COL19A1: variants seen among roughly 807,000 people sequenced by gnomAD.
COL19A1 encodes collagen alpha-1(XIX) chain.
In COL19A1, 159 loss-of-function variants were observed where a neutral mutation model predicts 190.2. That is an observed-to-expected ratio of 0.84 (90% confidence interval 0.73 to 0.95). COL19A1 has a LOEUF of 0.95. Ranked by LOEUF, COL19A1 falls within the 40% of genes least tolerant of loss-of-function variation. COL19A1 has a pLI of 0.00. For synonymous variants in COL19A1, 509 were observed against 458.9 expected, an observed-to-expected ratio of 1.11 and a Z score of -1.39; for missense variants, 1,418 against 1,431.9, an observed-to-expected ratio of 0.99 and a Z score of 0.16.
At chr6:70,051,018 T>C (rs1340099182) in intron 14 of COL19A1, among the ~76,000 whole-genome samples, 3 of 152,102 alleles carry the variant, frequency 2.0e-5, no homozygotes, top group African/African-American at 7.2e-5. Context: ...GCATATCACT[T>C]AGTAATATGT....
intron 41 of COL19A1, among the ~76,000 whole-genome samples, chr6:70,175,886 T>C (rs111934859): frequency 2.0e-5 from 3 of 152,294 alleles, no homozygotes; most frequent in African/African-American, 7.2e-5. Flanking sequence ...TGAGTAAAGT[T>C]TTTTAAATTC....
At chr6:69,957,966 C>T (rs1044207786) in intron 9 of COL19A1, among the ~76,000 whole-genome samples, 5 of 152,096 alleles carry the variant, frequency 3.3e-5, no homozygotes, top group Non-Finnish European at 5.9e-5. Flanking sequence ...TTATAAAACA[C>T]ATTCAGTCAA....
chr6:70,050,802 C>T (rs914225946), intron 14 of COL19A1, among the ~76,000 whole-genome samples: 6 of 152,150 alleles, frequency 3.9e-5, no homozygotes, highest in South Asian at 2.1e-4. Context: ...TTGAAAGTCA[C>T]GCTTTTTGTG....
intron 11 of COL19A1, among the ~76,000 whole-genome samples, chr6:70,005,810 G>C (rs776725639): frequency 6.6e-6 from 1 of 152,000 alleles, no homozygotes; most frequent in Non-Finnish European, 1.5e-5. Flanking sequence ...CCCTGCCCAG[G>C]GGCTCATGCC....
At chr6:70,064,874 A>G (rs1395926531) in intron 14 of COL19A1, among the ~76,000 whole-genome samples, 3 of 152,204 alleles carry the variant, frequency 2.0e-5, no homozygotes, top group Admixed American at 6.5e-5. Context: ...CAAACAGAAT[A>G]AAATACCTAG....
chr6:69,932,948 A>G, intron 7 of COL19A1, 85 bp downstream of exon 7: 4 of 853,304 alleles, frequency 4.7e-6, no homozygotes, highest in South Asian at 3.4e-5. Context: ...AATGTAGGGT[A>G]GCACTGAGTG....
chr6:70,098,782 G>T, intron 15 of COL19A1: 1 of 199,982 alleles, frequency 5.0e-6, no homozygotes. Context: ...TCCTTCAGAG[G>T]AACAGGAGAC....
chr6:69,994,956 C>G (rs929971769), intron 11 of COL19A1, among the ~76,000 whole-genome samples: 1 of 152,146 alleles, frequency 6.6e-6, no homozygotes, highest in African/African-American at 2.4e-5. Context: ...CAAAGAGGCA[C>G]CTTCTAGTTT....
At chr6:70,079,412 A>G (rs1015164652) in intron 15 of COL19A1, among the ~76,000 whole-genome samples, 2 of 152,342 alleles carry the variant, frequency 1.3e-5, no homozygotes, top group Non-Finnish European at 2.9e-5. Flanking sequence ...TTTAAGGGTG[A>G]TAACTAAAGC....
intron 40 of COL19A1, among the ~76,000 whole-genome samples, chr6:70,170,977 CATTAATTT>C (rs1048114541): frequency 6.6e-6 from 1 of 152,104 alleles, no homozygotes; most frequent in Non-Finnish European, 1.5e-5. Context: ...TTGCAGTGAA[CATTAATTT>C]ATTAACAAGA....
chr6:70,083,217 A>G (rs1283730094), intron 15 of COL19A1, among the ~76,000 whole-genome samples: 2 of 152,220 alleles, frequency 1.3e-5, no homozygotes, highest in Non-Finnish European at 2.9e-5. Context: ...GGAAATCACT[A>G]TTTCACTCAT....
intron 17 of COL19A1, among the ~76,000 whole-genome samples, chr6:70,125,007 A>G (rs1351823872): frequency 6.6e-6 from 1 of 152,040 alleles, no homozygotes; most frequent in Non-Finnish European, 1.5e-5. Context: ...TCAGCTTCAT[A>G]AGGGAAAAGC....
At chr6:69,878,635 G>T (rs985783840) in intron 1 of COL19A1, among the ~76,000 whole-genome samples, 7 of 152,088 alleles carry the variant, frequency 4.6e-5, no homozygotes, top group Non-Finnish European at 1.0e-4. Flanking sequence ...CAGTAGTCTG[G>T]TTTCTCAGAA....
chr6:69,910,077 T>G (rs559913684), intron 4 of COL19A1, among the ~76,000 whole-genome samples: 145 of 152,272 alleles, frequency 9.5e-4, no homozygotes, highest in African/African-American at 3.4e-3. Context: ...TGAAATTTAT[T>G]GGTACAGCTA....
At chr6:69,919,567 G>GA (rs1477646893) in intron 4 of COL19A1, among the ~76,000 whole-genome samples, 1 of 151,400 alleles carries the variant, frequency 6.6e-6, no homozygotes, top group African/African-American at 2.4e-5. Context: ...ATTTTGACCA[G>GA]AAAAAAAATT....
In COL19A1 at chr6:70,168,873, C is replaced by T. The variant is rs1458923734; in HGVS notation, c.2568+192C>T. Among the ~76,000 whole-genome samples, 4 of 152,276 alleles carry T rather than the reference C, an allele frequency of 2.6e-5. 1 individual carries two copies. The East Asian group carries it at 5.8e-4, about 22-fold the overall frequency. Reference sequence around the variant, plus strand: ...TGAGATGCATTAGTCCTGATGTTGTCACTGCCCTTGAGGTTTGTCTCTTTC... The same window carrying T: ...TGAGATGCATTAGTCCTGATGTTGTTACTGCCCTTGAGGTTTGTCTCTTTC... On this transcript the variant is annotated intron_variant, in intron 40 of 50. Coordinates refer to ENST00000620364, the MANE Select transcript of COL19A1 (RefSeq NM_001858.6).
intron 4 of COL19A1, among the ~76,000 whole-genome samples, chr6:69,906,259 A>C (rs1274827536): frequency 6.6e-6 from 1 of 152,202 alleles, no homozygotes; most frequent in Non-Finnish European, 1.5e-5. Context: ...TGAAGGAGCA[A>C]CACACTCAGC....
At chr6:70,206,869 G>T (rs750774927) in intron 49 of COL19A1, 32 bp from the exon 50 acceptor site, 7 of 1,591,718 alleles carry the variant, frequency 4.4e-6, no homozygotes, top group Admixed American at 3.5e-5. Context: ...AACCCTTTTT[G>T]TGTGTCTCTT....
intron 16 of COL19A1, among the ~76,000 whole-genome samples, chr6:70,118,101 C>T (rs1359372955): frequency 6.6e-6 from 1 of 152,188 alleles, no homozygotes; most frequent in Non-Finnish European, 1.5e-5. Context: ...TACCACAAGT[C>T]TTTAACTTCT....
Sources: gnomAD v4.1 joint callset for allele counts (sites outside exome capture counted in the v4.1 genomes callset) on GRCh38, gnomAD v4.1.1 for gene constraint, MANE v1.5 for transcripts, NCBI Gene and HGNC (gene_info 2026-07-23, HGNC 2026-07-21) for gene names.